Variants in NCOR2 observed in about 807,000 individuals in gnomAD.
The protein encoded by NCOR2 is nuclear receptor corepressor 2.
A neutral mutation model predicts 262.9 loss-of-function variants in NCOR2; 81 were observed. The ratio of observed to expected loss-of-function variants is 0.31; its 90% CI spans 0.26 to 0.37. The LOEUF (loss-of-function observed/expected upper bound fraction) is 0.37. Ranked by LOEUF, NCOR2 falls within the 10% of genes least tolerant of loss-of-function variation. The probability of loss-of-function intolerance (pLI) is 1.00; values close to 1 mark genes in which losing one functional copy is unlikely to be tolerated. For missense variants in NCOR2, 3,385 were observed against 3,621.4 expected (o/e 0.93, Z 1.68); for synonymous variants, 1,659 against 1,559.3 (o/e 1.06, Z -1.51).
intron 39 of NCOR2, 51 bp downstream of exon 41, chr12:124,335,432 G>C: frequency 6.4e-7 from 1 of 1,571,364 alleles, no homozygotes. Flanking sequence ...GGGGCCTTGA[G>C]GGTCCTCACT....
At position 124,517,312 on chromosome 12, in the gene NCOR2, A is replaced by T. The variant is rs2049868780; in HGVS notation, c.-118+18253T>A. Among the ~76,000 whole-genome samples, 1 of 151,804 alleles carries T rather than the reference A, an allele frequency of 6.6e-6. No homozygotes were observed. Among genetic ancestry groups the T allele is most frequent in the African/African-American group, 2.4e-5 (1 of 41,308 alleles). ...CAGGAGCCATTCCCGCCACCTCCCT[A>T]TGGCCGCGGCGCACCCAGACCTCAG... On this transcript the variant is annotated intron_variant, in intron 1 of 46. Coordinates refer to the NCOR2 transcript ENST00000404621. This position sits in a 1 kb window ranked among gnomAD's most constrained non-coding sequence, Gnocchi z 7.6.
In NCOR2 at chr12:124,382,002, G is replaced by A. The variant is rs138562458; in HGVS notation, c.2020-3618C>T. On this transcript the variant is annotated intron_variant, in intron 17 of 46. Coordinates refer to ENST00000405201, the Ensembl canonical transcript of NCOR2. Reference sequence around the variant, plus strand: ...ACTCGGGCCAGACCTAGTGCAAGGCGGGAGGGGACACCCACTGACCCTCTG... The same window carrying A: ...ACTCGGGCCAGACCTAGTGCAAGGCAGGAGGGGACACCCACTGACCCTCTG... Among the ~76,000 whole-genome samples, 18 of 152,336 alleles carry A rather than the reference G, an allele frequency of 1.2e-4. No homozygotes were observed. In the East Asian group the frequency reaches 1.5e-3, roughly 13 times the overall value.
At chr12:124,331,845 G>A (rs2035229124) in intron 43 of NCOR2, 2 of 164,584 alleles carry the variant, frequency 1.2e-5, no homozygotes, top group Admixed American at 1.1e-4. Context: ...CTTGGGGTCG[G>A]GGACTGTGAC....
chr12:124,416,726 G>A (rs2042890077), intron 13 of NCOR2, among the ~76,000 whole-genome samples: 2 of 144,500 alleles, frequency 1.4e-5, no homozygotes, highest in Non-Finnish European at 3.0e-5. Context: ...GCGGCACAGG[G>A]AGTCCCCGCG....
At chr12:124,353,694 C>A (rs1298010966) in intron 27 of NCOR2, among the ~76,000 whole-genome samples, 2 of 152,242 alleles carry the variant, frequency 1.3e-5, no homozygotes, top group Non-Finnish European at 2.9e-5. Flanking sequence ...AATGCTGTTC[C>A]CTGAGATTCC....
intron 1 of NCOR2, among the ~76,000 whole-genome samples, chr12:124,545,313 C>T (rs2051505904): frequency 6.6e-6 from 1 of 152,200 alleles, no homozygotes; most frequent in South Asian, 2.1e-4. Flanking sequence ...TTGGTGACCA[C>T]CAGGCTGGGG....
At chr12:124,374,441 C>T (rs1426117177) in exon 19 of NCOR2, 9 of 1,612,784 alleles carry the variant, frequency 5.6e-6, no homozygotes, top group African/African-American at 4.0e-5. Context: ...CTCTGGGCAC[C>T]TCATTCCCAG....
At position 124,373,232 on chromosome 12, in the gene NCOR2, TGAGGCCAGTGCGTGTGCAGGGGACCCGGG is replaced by T. The variant is rs1566411595; in HGVS notation, c.2219-651_2219-623del. The stretch of plus-strand genomic sequence containing the variant: ...CAGGGGACCCGGGCACAGTGGACAA[TGAGGCCAGTGCGTGTGCAGGGGACCCGGG>T]CACAGTGGACAATCATGAGGCCAGT... On this transcript the variant is annotated intron_variant, in intron 19 of 46. Coordinates refer to ENST00000405201, the Ensembl canonical transcript of NCOR2. Among the ~76,000 whole-genome samples the T allele has an allele frequency of 2.9e-3, 427 of 145,328 alleles. 9 individuals are homozygous for T. Among genetic ancestry groups the T allele is most frequent in the African/African-American group, 0.012 (415 of 35,590 alleles).
At chr12:124,535,107 C>A (rs906662030) in intron 1 of NCOR2, among the ~76,000 whole-genome samples, 1 of 152,214 alleles carries the variant, frequency 6.6e-6, no homozygotes, top group African/African-American at 2.4e-5. Context: ...TCTTTGCCTG[C>A]TAGGCATGGG....
intron 37 of NCOR2, among the ~76,000 whole-genome samples, chr12:124,338,530 C>T (rs1211774265): frequency 1.3e-5 from 2 of 148,504 alleles, no homozygotes; most frequent in East Asian, 2.0e-4. Flanking sequence ...AAAAAGGTTC[C>T]GGGCAGGGAA....
intron 13 of NCOR2, among the ~76,000 whole-genome samples, chr12:124,408,419 C>T (rs2042391604): frequency 6.6e-6 from 1 of 152,048 alleles, no homozygotes; most frequent in Non-Finnish European, 1.5e-5. Context: ...AGCTCATGGC[C>T]ATTATTAAAA....
intron 7 of NCOR2, among the ~76,000 whole-genome samples, chr12:124,439,622 A>G (rs1346596042): frequency 6.6e-6 from 1 of 152,110 alleles, no homozygotes; most frequent in African/African-American, 2.4e-5. Context: ...AAGGGGAGAC[A>G]CAGAGACGGA....
At chr12:124,362,060 A>C in intron 22 of NCOR2, 66 bp downstream of exon 24, 1 of 1,230,196 alleles carries the variant, frequency 8.1e-7, no homozygotes, top group Non-Finnish European at 1.0e-6. Flanking sequence ...CTCTAGACAC[A>C]CAAACATCCC....
chr12:124,326,443 G>A (rs2034648544), intron 45 of NCOR2, 73 bp from the exon 48 acceptor site: 8 of 1,363,370 alleles, frequency 5.9e-6, no homozygotes, highest in Non-Finnish European at 7.6e-6. Context: ...TGGGGCCACA[G>A]GGGCAGGGTG....
chr12:124,421,165 G>A (rs1289683281), intron 12 of NCOR2, among the ~76,000 whole-genome samples: 2 of 152,220 alleles, frequency 1.3e-5, no homozygotes, highest in African/African-American at 4.8e-5. Flanking sequence ...CCAGCCAGAC[G>A]TCAGCCTCAC....
chr12:124,546,841 C>T (rs1459564157), intron 1 of NCOR2, among the ~76,000 whole-genome samples: 1 of 152,192 alleles, frequency 6.6e-6, no homozygotes, highest in African/African-American at 2.4e-5. Flanking sequence ...ACGGTCCTGC[C>T]TGTGAGTGTC....
intron 1 of NCOR2, among the ~76,000 whole-genome samples, chr12:124,500,896 G>A (rs1207419911): frequency 1.3e-5 from 2 of 152,170 alleles, no homozygotes; most frequent in Non-Finnish European, 2.9e-5. Flanking sequence ...GCGGGCTGTG[G>A]GGAGGATGAA....
intron 12 of NCOR2, 98 bp from the exon 15 acceptor site, chr12:124,420,153 C>G (rs576154701): frequency 4.1e-6 from 4 of 982,084 alleles, no homozygotes; most frequent in Non-Finnish European, 6.3e-6. Flanking sequence ...CTGCCTCTTC[C>G]ACGTACCGGC....
intron 18 of NCOR2, among the ~76,000 whole-genome samples, chr12:124,377,838 GAAA>G (rs111815361): frequency 8.0e-6 from 1 of 125,320 alleles, no homozygotes. Flanking sequence ...GACTCCGTCT[GAAA>G]AAAAAAAAAA....
Sources: gnomAD v4.1 joint callset for allele counts (sites outside exome capture counted in the v4.1 genomes callset) on GRCh38, gnomAD v4.1.1 for gene constraint, Gnocchi (gnomAD v3.1) non-coding constraint, MANE v1.5 for transcripts, NCBI Gene and HGNC (gene_info 2026-07-23, HGNC 2026-07-21) for gene names.